Variants in SORCS1 observed in about 807,000 individuals in gnomAD.
SORCS1 encodes VPS10 domain-containing receptor SorCS1.
A neutral mutation model predicts 146.1 loss-of-function variants in SORCS1; 60 were observed. The observed-to-expected ratio is 0.41, with a 90% CI of 0.33 to 0.51. The LOEUF (loss-of-function observed/expected upper bound fraction) is 0.51. SORCS1 is among the 20% of genes least tolerant of loss of function. The probability of loss-of-function intolerance (pLI) is 0.21; values close to 1 mark genes in which losing one functional copy is unlikely to be tolerated. For synonymous variants in SORCS1, 637 were observed against 584.0 expected (o/e 1.09, Z -1.31); for missense variants, 1,352 against 1,487.6 (o/e 0.91, Z 1.50).
intron 2 of SORCS1, among the ~76,000 whole-genome samples, chr10:106,917,983 G>C (rs1013596088): frequency 1.3e-5 from 2 of 151,964 alleles, no homozygotes; most frequent in African/African-American, 4.8e-5. Flanking sequence ...AACATCCTTG[G>C]AACAGTACAT....
chr10:106,926,884 G>A (rs938105133), intron 2 of SORCS1, among the ~76,000 whole-genome samples: 5 of 120,760 alleles, frequency 4.1e-5, no homozygotes, highest in African/African-American at 1.9e-4. Context: ...GAGAGAGAGA[G>A]AGAGAGAGAG....
At chr10:106,647,641 T>C (rs963643404) in intron 18 of SORCS1, among the ~76,000 whole-genome samples, 8 of 152,162 alleles carry the variant, frequency 5.3e-5, no homozygotes, top group Non-Finnish European at 1.2e-4. Context: ...ATTGGGACAA[T>C]TGGATATGCA....
At chr10:106,812,725 T>C (rs1947534118) in intron 3 of SORCS1, among the ~76,000 whole-genome samples, 1 of 152,204 alleles carries the variant, frequency 6.6e-6, no homozygotes, top group Admixed American at 6.5e-5. Flanking sequence ...ATTATGTATA[T>C]ATTAATAGCT....
intron 1 of SORCS1, among the ~76,000 whole-genome samples, chr10:107,140,366 T>C (rs1238277856): frequency 6.6e-6 from 1 of 151,378 alleles, no homozygotes; most frequent in Admixed American, 6.6e-5. Context: ...TTTCATGACA[T>C]GTGCAGTTTT....
chr10:107,042,948 G>A (rs2134000923), intron 1 of SORCS1, among the ~76,000 whole-genome samples: 1 of 152,238 alleles, frequency 6.6e-6, no homozygotes, highest in East Asian at 1.9e-4. Context: ...GGCCATGTTG[G>A]AGCTTCTGTG....
intron 1 of SORCS1, among the ~76,000 whole-genome samples, chr10:106,982,934 T>C (rs1956296059): frequency 1.3e-5 from 2 of 152,056 alleles, no homozygotes. Flanking sequence ...GAGATCTTAC[T>C]ATATTCACCT....
intron 2 of SORCS1, among the ~76,000 whole-genome samples, chr10:106,946,206 TAC>T (rs1252118563): frequency 8.7e-6 from 1 of 114,508 alleles, no homozygotes; most frequent in East Asian, 2.2e-4. Flanking sequence ...TTTCATAACA[TAC>T]TCTTCAAAGC....
intron 2 of SORCS1, 31 bp from the exon 3 acceptor site, chr10:106,829,704 A>T (rs1380880440): frequency 6.5e-7 from 1 of 1,540,616 alleles, no homozygotes; most frequent in Non-Finnish European, 9.0e-7. Flanking sequence ...TAATGAGGAC[A>T]GAAGTATATG....
At chr10:106,603,565 C>A (rs1286617272) in intron 23 of SORCS1, among the ~76,000 whole-genome samples, 1 of 152,154 alleles carries the variant, frequency 6.6e-6, no homozygotes, top group Non-Finnish European at 1.5e-5. Flanking sequence ...CCCTGCCCTC[C>A]CATTCTTTAG....
chr10:106,775,254 A>C (rs1040708488), intron 4 of SORCS1, among the ~76,000 whole-genome samples: 1 of 152,208 alleles, frequency 6.6e-6, no homozygotes, highest in Non-Finnish European at 1.5e-5. Flanking sequence ...ACTCTGTCTG[A>C]GCTGGTCAGG....
chr10:106,742,621 C>A (rs1857441146), intron 5 of SORCS1, among the ~76,000 whole-genome samples: 1 of 152,166 alleles, frequency 6.6e-6, no homozygotes, highest in Admixed American at 6.5e-5. Context: ...CTCAAGTGAT[C>A]CACCTGCCTC....
chr10:106,713,685 T>C (rs761914363), intron 6 of SORCS1, among the ~76,000 whole-genome samples: 1 of 152,194 alleles, frequency 6.6e-6, no homozygotes, highest in Non-Finnish European at 1.5e-5. Flanking sequence ...AGAATGAAGC[T>C]AAAAAATAGT....
chr10:106,602,970 G>A (rs1234705857), intron 23 of SORCS1, among the ~76,000 whole-genome samples: 3 of 152,076 alleles, frequency 2.0e-5, no homozygotes, highest in East Asian at 1.9e-4. Flanking sequence ...TCTGCCAACC[G>A]TGTAGAGTAA....
At chr10:106,701,019 C>T (rs974813358) in intron 8 of SORCS1, among the ~76,000 whole-genome samples, 1 of 152,188 alleles carries the variant, frequency 6.6e-6, no homozygotes, top group Non-Finnish European at 1.5e-5. Flanking sequence ...ATACCAAAAT[C>T]CACAGAAGCT....
intron 21 of SORCS1, among the ~76,000 whole-genome samples, chr10:106,613,428 G>A (rs1013625): frequency 0.55 from 82,963 of 152,060 alleles, 24,243 homozygotes; most frequent in Admixed American, 0.65. Flanking sequence ...AGGAGTCTTG[G>A]AGCCAAAGTC....
intron 6 of SORCS1, 32 bp from the exon 7 acceptor site, chr10:106,709,373 G>T: frequency 7.3e-7 from 1 of 1,368,516 alleles, no homozygotes; most frequent in Non-Finnish European, 1.0e-6. Flanking sequence ...AAAAACATGG[G>T]GTTGAGGGGG....
In SORCS1 at chr10:106,577,339, T is replaced by G; in HGVS notation, c.*81A>C. 6.2e-7 allele frequency: 1 copy of G among 1,611,130 alleles called. No individual in the cohort carries two copies. The highest frequency in any genetic ancestry group is 1.7e-5 in the Admixed American group (1 of 59,744). ...GGAAAGAAAAAAAACACAAAGTTAG[T>G]GGTCATGAAGGATGATGTACTTGAC... On this transcript the variant is annotated 3_prime_UTR_variant, in exon 26 of 26. Coordinates refer to ENST00000263054, the MANE Select transcript of SORCS1 (RefSeq NM_052918.5).
At chr10:106,855,940 G>C (rs189225464) in intron 2 of SORCS1, among the ~76,000 whole-genome samples, 5 of 152,054 alleles carry the variant, frequency 3.3e-5, no homozygotes, top group African/African-American at 1.2e-4. Context: ...CTGAACAGCT[G>C]ACATGAGGTA....
intron 9 of SORCS1, among the ~76,000 whole-genome samples, chr10:106,691,463 A>G (rs1484072481): frequency 1.3e-5 from 2 of 151,888 alleles, no homozygotes; most frequent in Non-Finnish European, 2.9e-5. Context: ...AAAAGTAATT[A>G]ATAGTTATTT....
Sources: gnomAD v4.1 joint callset for allele counts (sites outside exome capture counted in the v4.1 genomes callset) on GRCh38, gnomAD v4.1.1 for gene constraint, MANE v1.5 for transcripts, NCBI Gene and HGNC (gene_info 2026-07-23, HGNC 2026-07-21) for gene names.